The following ADAMTS17 variants were observed in gnomAD, a reference collection of about 807,000 sequenced individuals.
The protein encoded by ADAMTS17 is ADAM metallopeptidase with thrombospondin type 1 motif 17.
ADAMTS17 carries 113 observed loss-of-function variants against 141.5 expected under a neutral mutation model. The observed-to-expected ratio is 0.80, with a 90% CI of 0.69 to 0.93. ADAMTS17 has a LOEUF of 0.93. Among genes scored for constraint, ADAMTS17 ranks in the 40% least tolerant of loss-of-function variants. The pLI is 0.00. For synonymous variants in ADAMTS17, 768 were observed against 630.6 expected (o/e 1.22, Z -3.27); for missense variants, 1,659 against 1,517.9 (o/e 1.09, Z -1.54).
At chr15:100,340,190 T>G (rs113792608) in intron 2 of ADAMTS17, among the ~76,000 whole-genome samples, 13,506 of 152,262 alleles carry the variant, frequency 0.089, 672 homozygotes, top group East Asian at 0.21. Context: ...ATGGAGAAGC[T>G]GAGTGCTCGT....
At position 100,034,255 on chromosome 15, in the gene ADAMTS17, G is replaced by A. The variant is rs113056528; in HGVS notation, c.2591+14602C>T. On this transcript the variant is annotated intron_variant, in intron 18 of 21. Coordinates refer to ENST00000268070, the MANE Select transcript of ADAMTS17 (RefSeq NM_139057.4). ...GCACACAGTGGCACACCAACAGTGCGTCTGCTGGCAAGAGACCATGGAGGA... is the reference window on the plus strand; with the variant it reads ...GCACACAGTGGCACACCAACAGTGCATCTGCTGGCAAGAGACCATGGAGGA... Among the ~76,000 whole-genome samples, 81 of 152,352 alleles carry A rather than the reference G, an allele frequency of 5.3e-4. 1 individual carries two copies. Among genetic ancestry groups the A allele is most frequent in the African/African-American group, 1.5e-3 (63 of 41,582 alleles).
rs977475323 is a variant in ADAMTS17 at position 100,341,424 on chromosome 15, G to A, written c.80-15C>T. On this transcript the variant is annotated splice_polypyrimidine_tract_variant and intron_variant, in intron 1 of 21. Coordinates refer to ENST00000268070, the MANE Select transcript of ADAMTS17 (RefSeq NM_139057.4). ...GTCGCCGACAGCTGCGGGGAGAGAG[G>A]AGACGCGTCAGCGCGGCGGGGCCCG... is the stretch of plus-strand genomic sequence containing the variant. The A allele has an allele frequency of 7.9e-6, 8 of 1,015,052 alleles. No individual in the cohort carries two copies. In the African/African-American group the frequency reaches 1.2e-4, roughly 15 times the overall value. The allele number at this position is 1,015,052 out of a possible 1,614,324, so 62.9% of individuals were successfully genotyped here.
At chr15:100,078,201 T>TA (rs1383465494) in intron 15 of ADAMTS17, among the ~76,000 whole-genome samples, 14 of 146,464 alleles carry the variant, frequency 9.6e-5, no homozygotes, top group Admixed American at 4.0e-4. Flanking sequence ...GTAATCCCTA[T>TA]AAAAAAATCC....
intron 7 of ADAMTS17, among the ~76,000 whole-genome samples, chr15:100,204,097 G>T (rs1249195244): frequency 1.3e-5 from 2 of 152,122 alleles, no homozygotes; most frequent in Non-Finnish European, 2.9e-5. Flanking sequence ...ATTGGGTGAA[G>T]AGACTTAATT....
Position 100,238,975 on chromosome 15 carries a change from C to T in ADAMTS17, c.1075+15161G>A, listed in dbSNP as rs1361739671. 9.9e-5 allele frequency among the ~76,000 whole-genome samples: 15 copies of T among 152,156 alleles called. No individual in the cohort carries two copies. In the East Asian group the frequency reaches 2.7e-3, roughly 27 times the overall value. On this transcript the variant is annotated intron_variant, in intron 7 of 21. Coordinates refer to ENST00000268070, the MANE Select transcript of ADAMTS17 (RefSeq NM_139057.4). ...GCGTAGTGGCGTGTGCCTGTAACCC[C>T]AGGTACTCGGGAGACTGAGATGGGA...
At chr15:100,176,926 ATTGCTGTGTGTGCCC>A (rs1246942626) in intron 8 of ADAMTS17, among the ~76,000 whole-genome samples, 6 of 152,240 alleles carry the variant, frequency 3.9e-5, no homozygotes, top group South Asian at 2.1e-4. Context: ...GTTCATCCAC[ATTGCTGTGTGTGCCC>A]ATAATTCATT....
At chr15:100,261,410 C>G (rs964171774) in intron 6 of ADAMTS17, 69 bp downstream of exon 6, 1 of 1,606,364 alleles carries the variant, frequency 6.2e-7, no homozygotes, top group Non-Finnish European at 8.5e-7. Context: ...AACAACATGC[C>G]TATTTCCTCT....
chr15:100,326,054 C>G (rs1205130811), intron 3 of ADAMTS17, among the ~76,000 whole-genome samples: 1 of 152,204 alleles, frequency 6.6e-6, no homozygotes, highest in Non-Finnish European at 1.5e-5. Flanking sequence ...TCGCTCCACA[C>G]ACAGAAGCAC....
At chr15:100,243,308 A>T (rs1486105637) in intron 7 of ADAMTS17, among the ~76,000 whole-genome samples, 1 of 152,200 alleles carries the variant, frequency 6.6e-6, no homozygotes, top group African/African-American at 2.4e-5. Context: ...CAAATATCTG[A>T]GTCCCTGCTT....
intron 3 of ADAMTS17, among the ~76,000 whole-genome samples, chr15:100,288,026 T>G (rs1596454640): frequency 6.6e-6 from 1 of 152,128 alleles, no homozygotes; most frequent in East Asian, 1.9e-4. Flanking sequence ...GCTTTGAATA[T>G]AAACAAACTA....
At chr15:100,210,877 G>A (rs190043301) in intron 7 of ADAMTS17, among the ~76,000 whole-genome samples, 15 of 152,170 alleles carry the variant, frequency 9.9e-5, no homozygotes, top group Non-Finnish European at 1.6e-4. Flanking sequence ...AGAGATGGGC[G>A]GATCACGAGG....
At chr15:100,185,850 G>T (rs770901424) in intron 8 of ADAMTS17, among the ~76,000 whole-genome samples, 1 of 152,134 alleles carries the variant, frequency 6.6e-6, no homozygotes, top group South Asian at 2.1e-4. Flanking sequence ...GACTTCCCAC[G>T]CTGAACACAA....
intron 7 of ADAMTS17, among the ~76,000 whole-genome samples, chr15:100,223,842 G>A (rs1442766494): frequency 6.6e-6 from 1 of 151,596 alleles, no homozygotes; most frequent in Non-Finnish European, 1.5e-5. Context: ...TATATATGGA[G>A]TTTATTAAGT....
intron 10 of ADAMTS17, among the ~76,000 whole-genome samples, chr15:100,149,266 C>T (rs565662698): frequency 1.3e-5 from 2 of 152,380 alleles, no homozygotes; most frequent in African/African-American, 4.8e-5. Flanking sequence ...ATCCTTGGTT[C>T]TCAAAGGGTT....
At chr15:100,070,380 C>A (rs1329225261) in intron 15 of ADAMTS17, among the ~76,000 whole-genome samples, 2 of 150,128 alleles carry the variant, frequency 1.3e-5, no homozygotes, top group Admixed American at 6.7e-5. Context: ...CTCAGCTCTG[C>A]ACCAAGTGGA....
intron 4 of ADAMTS17, among the ~76,000 whole-genome samples, chr15:100,278,821 G>A (rs2044189604): frequency 6.6e-6 from 1 of 152,196 alleles, no homozygotes; most frequent in African/African-American, 2.4e-5. Context: ...GGCTGGTTAG[G>A]GGAAAGAAAG....
chr15:100,065,565 C>A (rs1283795414), intron 15 of ADAMTS17, among the ~76,000 whole-genome samples: 1 of 152,104 alleles, frequency 6.6e-6, no homozygotes, highest in Non-Finnish European at 1.5e-5. Context: ...ATTTACAAAA[C>A]CACATTGTAT....
chr15:100,149,452 C>G (rs957150148), intron 10 of ADAMTS17, among the ~76,000 whole-genome samples: 3 of 152,194 alleles, frequency 2.0e-5, no homozygotes, highest in East Asian at 1.9e-4. Context: ...CAGTAGTTCA[C>G]ATCTGTTCCC....
At chr15:100,064,815 G>A (rs1480669402) in intron 15 of ADAMTS17, among the ~76,000 whole-genome samples, 4 of 152,158 alleles carry the variant, frequency 2.6e-5, no homozygotes, top group East Asian at 3.8e-4. Flanking sequence ...CTAACATGAC[G>A]GTGAGATTCT....
Sources: gnomAD v4.1 joint callset for allele counts (sites outside exome capture counted in the v4.1 genomes callset) on GRCh38, gnomAD v4.1.1 for gene constraint, MANE v1.5 for transcripts, NCBI Gene and HGNC (gene_info 2026-07-23, HGNC 2026-07-21) for gene names.